Variants in INCENP observed in about 807,000 individuals in gnomAD.
INCENP encodes the protein binds and activates aurora-B and -C in vivo and in vitro.
A neutral mutation model predicts 107.3 loss-of-function variants in INCENP; 43 were observed. The observed-to-expected ratio is 0.40, with a 90% CI of 0.31 to 0.52. The LOEUF is 0.52. INCENP is among the 20% of genes least tolerant of loss of function. INCENP has a pLI of 0.53. For synonymous variants in INCENP, 488 were observed against 494.4 expected, an observed-to-expected ratio of 0.99 and a Z score of 0.17; for missense variants, 1,089 against 1,250.9, an observed-to-expected ratio of 0.87 and a Z score of 1.95.
At position 62,152,905 on chromosome 11, in the gene INCENP, A is replaced by G. The variant is rs550025700; in HGVS notation, c.*929A>G. On this transcript the variant is annotated 3_prime_UTR_variant, in exon 19 of 19. Coordinates refer to ENST00000394818, the MANE Select transcript of INCENP (RefSeq NM_001040694.2). ...GCCTACTGCTGCCTTCTGAATGCAT[A>G]TATCTGCTACTGTAGCCCCGGGTTG... The G allele has an allele frequency of 2.0e-5, 3 of 152,364 alleles. No individual in the cohort carries two copies. Among genetic ancestry groups the G allele is most frequent in the Admixed American group, 6.5e-5 (1 of 15,312 alleles). The allele number at this position is 152,364 out of a possible 1,614,324, so 9.4% of individuals were successfully genotyped here.
chr11:62,137,400 G>C (rs1944015730), intron 4 of INCENP, among the ~76,000 whole-genome samples: 1 of 152,232 alleles, frequency 6.6e-6, no homozygotes, highest in Non-Finnish European at 1.5e-5. Flanking sequence ...ACCAGATGGT[G>C]GTTCTGTTTT....
At chr11:62,128,070 G>C in intron 1 of INCENP, 81 bp from the exon 2 acceptor site, 1 of 1,441,912 alleles carries the variant, frequency 6.9e-7, no homozygotes, top group East Asian at 2.3e-5. Flanking sequence ...TTGTGGGTCA[G>C]GTGGGTATTG....
In INCENP at chr11:62,152,104, A is replaced by G. The variant is rs1944389191; in HGVS notation, c.*128A>G. ...TTGTGGAGGGCTTGGCCAGGTGTAT[A>G]TAAACGTCCTCTGTGCTGGGTGTTT... On this transcript the variant is annotated 3_prime_UTR_variant, in exon 19 of 19. Coordinates refer to ENST00000394818, the MANE Select transcript of INCENP (RefSeq NM_001040694.2). 4.2e-6 allele frequency: 2 copies of G among 477,970 alleles called. No individual in the cohort carries two copies. The highest frequency in any genetic ancestry group is 7.0e-6 in the Non-Finnish European group (2 of 286,114). 29.6% of individuals were successfully genotyped at this position (477,970 alleles called of 1,614,324 possible).
At chr11:62,141,178 G>A (rs559036505) in intron 10 of INCENP, 134 bp downstream of exon 10, 73 of 1,241,904 alleles carry the variant, frequency 5.9e-5, no homozygotes, top group African/African-American at 4.2e-4. Flanking sequence ...GTTAGGGGCC[G>A]GTTGAAGCCT....
Position 62,145,053 on chromosome 11 carries a change from G to A in INCENP, c.1677G>A (p.Val559=). 1.9e-6 allele frequency: 3 copies of A among 1,613,486 alleles called. No homozygotes were observed. The highest frequency in any genetic ancestry group is 1.7e-6 in the Non-Finnish European group (2 of 1,179,764). ...EEAEQLRRQK[V]EEDKRRRLEE... ...CCGAGCAGCTGCGCAGGCAGAAGGT[G>A]GAGGAGGACAAGCGGCGGCGGCTGG... The change falls in exon 12 of 19, where the codon GTG becomes GTA. Residue 559 remains valine, a synonymous_variant. Coordinates refer to ENST00000394818, the MANE Select transcript of INCENP (RefSeq NM_001040694.2).
In INCENP at chr11:62,128,266, G is replaced by A. The variant is rs1487783252; in HGVS notation, c.105G>A (p.Glu35=). The change falls in exon 2 of 19, where the codon GAG becomes GAA. Residue 35 remains glutamate (E), a synonymous_variant. Coordinates refer to ENST00000394818, the MANE Select transcript of INCENP (RefSeq NM_001040694.2). ...NMDNKDLVWL[E]EIQEEAERMF... ...ATAATAAGGACTTGGTGTGGCTTGA[G>A]GAAATCCAAGAGGAGGCCGAGCGCA... 5.0e-6 allele frequency: 8 copies of A among 1,614,078 alleles called. No homozygotes were observed. The highest frequency in any genetic ancestry group is 6.8e-6 in the Non-Finnish European group (8 of 1,180,036).
chr11:62,132,686 CCTTCCATCACT>C (rs1943916011), intron 4 of INCENP, among the ~76,000 whole-genome samples: 2 of 152,160 alleles, frequency 1.3e-5, no homozygotes, highest in African/African-American at 4.8e-5. Context: ...GCTCTCATGC[CCTTCCATCACT>C]CTTCCCTCTC....
Position 62,141,024 on chromosome 11 carries a change from C to T in INCENP, c.1573C>T (p.Pro525Ser), listed in dbSNP as rs747140108. 8.7e-6 allele frequency: 14 copies of T among 1,613,952 alleles called. 1 individual carries two copies. The highest frequency in any genetic ancestry group is 1.7e-4 in the Middle Eastern group (1 of 6,054). The change falls in exon 10 of 19, where the codon CCC becomes TCC. Residue 525 changes from proline to serine, a missense_variant. Pro to Ser is a moderately conservative substitution (Grantham distance 74). Transcript: ENST00000394818. ...VMKSFIKRNTPLRMDPKCSFV... is the reference protein window; with the variant it reads ...VMKSFIKRNTSLRMDPKCSFV... Reference sequence around the variant, plus strand: ...GAAGTCCTTTATTAAGCGCAACACTCCCCTGCGCATGGACCCCAAGGTGAG... The same window carrying T: ...GAAGTCCTTTATTAAGCGCAACACTTCCCTGCGCATGGACCCCAAGGTGAG...
intron 14 of INCENP, 128 bp from the exon 15 acceptor site, chr11:62,146,530 C>A: frequency 7.3e-7 from 1 of 1,375,944 alleles, no homozygotes; most frequent in South Asian, 1.5e-5. Context: ...TGTCCCACGG[C>A]GCCATTCCTG....
rs1944022775 is a variant in INCENP at position 62,137,747 on chromosome 11, G to A, written c.1064-85G>A. On this transcript the variant is annotated intron_variant, in intron 4 of 18. Coordinates refer to ENST00000394818, the MANE Select transcript of INCENP (RefSeq NM_001040694.2). Reference sequence around the variant, plus strand: ...TGATGGGAGCAGTGGCCAGGCCCTTGCTGGAACCCGGTCCCCTGGACCCCT... The same window carrying A: ...TGATGGGAGCAGTGGCCAGGCCCTTACTGGAACCCGGTCCCCTGGACCCCT... 23 of 1,238,116 alleles carry A rather than the reference G, an allele frequency of 1.9e-5. 1 individual carries two copies. In the South Asian group the frequency reaches 2.6e-4, roughly 14 times the overall value. 76.7% of individuals were successfully genotyped at this position (1,238,116 alleles called of 1,614,324 possible).
In INCENP at chr11:62,146,761, G is replaced by A. The variant is rs1565101447; in HGVS notation, c.2063G>A (p.Arg688Gln). The change falls in exon 15 of 19, where the codon CGG becomes CAG. Residue 688 changes from arginine (R) to glutamine (Q), a missense_variant. Transcript: ENST00000394818. ...GAGGCTAAGCGGCTGGCAGAGCAGCGGGAGCAGGAGCGGCGGGAGCAGGAG... is the reference window on the plus strand; with the variant it reads ...GAGGCTAAGCGGCTGGCAGAGCAGCAGGAGCAGGAGCGGCGGGAGCAGGAG... The part of the protein sequence containing the change: ...AAEAKRLAEQ[R>Q]EQERREQERR... The A allele has an allele frequency of 7.1e-6, 11 of 1,542,024 alleles. No individual in the cohort carries two copies. Among genetic ancestry groups the A allele is most frequent in the South Asian group, 1.2e-5 (1 of 83,150 alleles).
At chr11:62,135,320 T>C (rs1943969274) in intron 4 of INCENP, among the ~76,000 whole-genome samples, 1 of 152,048 alleles carries the variant, frequency 6.6e-6, no homozygotes, top group Non-Finnish European at 1.5e-5. Flanking sequence ...CAGGCTGGAG[T>C]GCAGTGGTGC....
At chr11:62,130,784 G>C (rs1590607556) in intron 4 of INCENP, among the ~76,000 whole-genome samples, 194 bp downstream of exon 4, 3 of 152,370 alleles carry the variant, frequency 2.0e-5, no homozygotes, top group Admixed American at 6.5e-5. Context: ...AATGTGGCTA[G>C]TGTGATTGAG....
Position 62,150,094 on chromosome 11 carries a change from G to A in INCENP, c.2429G>A (p.Gly810Glu), listed in dbSNP as rs750327804. The A allele has an allele frequency of 8.7e-6, 14 of 1,613,896 alleles. No homozygotes were observed. Among genetic ancestry groups the A allele is most frequent in the East Asian group, 2.2e-5 (1 of 44,880 alleles). Residue 810 changes from glycine to glutamate, a missense_variant, in exon 18 of 19, where the codon GGG (glycine) becomes GAG (glutamate). Gly to Glu is a moderately conservative substitution (Grantham distance 98). Transcript: ENST00000394818. ...ACTSYQMTPQ[G>E]HRAPPKINPD... Reference sequence around the variant, plus strand: ...ACCTCATATCAGATGACTCCGCAAGGGCACAGGGCCCCTCCCAAGATCAAC... The same window carrying A: ...ACCTCATATCAGATGACTCCGCAAGAGCACAGGGCCCCTCCCAAGATCAAC...
intron 5 of INCENP, 139 bp downstream of exon 5, chr11:62,138,022 C>T (rs545917584): frequency 4.3e-5 from 32 of 752,486 alleles, no homozygotes; most frequent in African/African-American, 3.6e-4. Flanking sequence ...CCCCGTTTTC[C>T]CTGTCTGACC....
intron 4 of INCENP, among the ~76,000 whole-genome samples, chr11:62,132,203 G>C (rs1943907288): frequency 6.6e-6 from 1 of 152,244 alleles, no homozygotes; most frequent in Admixed American, 6.5e-5. Flanking sequence ...TAGCTTGTGA[G>C]GAATTTTTCA....
rs371320244 is a variant in INCENP at position 62,140,253 on chromosome 11, A to G, written c.1311A>G (p.Ala437=). 2 of 1,613,730 alleles carry G rather than the reference A, an allele frequency of 1.2e-6. No individual in the cohort carries two copies. Among genetic ancestry groups the G allele is most frequent in the South Asian group, 1.1e-5 (1 of 91,070 alleles). ...AGQQEAKTDQ[A]DGPREPPQSA... ...TCACAGAGGCCAAGACGGACCAAGC[A>G]GATGGACCCAGAGAGCCACCGCAGA... Residue 437 remains alanine (A), a synonymous_variant, in exon 8 of 19, where the codon GCA becomes GCG. Coordinates refer to ENST00000394818, the MANE Select transcript of INCENP (RefSeq NM_001040694.2).
At position 62,128,898 on chromosome 11, in the gene INCENP, G is replaced by T; in HGVS notation, c.254+15G>T. 2.6e-6 allele frequency: 4 copies of T among 1,541,800 alleles called. No homozygotes were observed. The highest frequency in any genetic ancestry group is 3.6e-6 in the Non-Finnish European group (4 of 1,114,386). On this transcript the variant is annotated intron_variant, in intron 3 of 18. Coordinates refer to ENST00000394818, the MANE Select transcript of INCENP (RefSeq NM_001040694.2). ...ATCAGGAGAAGGTAGGAGGGGTTGG[G>T]GGAGAGTGAGCTGAGCAGTGGGCTC...
chr11:62,129,028 C>T, intron 3 of INCENP, 145 bp downstream of exon 3: 11 of 632,908 alleles, frequency 1.7e-5, no homozygotes, highest in Non-Finnish European at 3.1e-5. Flanking sequence ...CTGCGTGGGC[C>T]ATGCTGAGAG....
Sources: allele counts gnomAD v4.1 joint callset (sites outside exome capture counted in the v4.1 genomes callset), GRCh38; gene constraint gnomAD v4.1.1; transcripts MANE v1.5; gene names NCBI Gene and HGNC (gene_info 2026-07-23, HGNC 2026-07-21).